Variants in PNPLA6 observed in about 807,000 individuals in gnomAD.
The protein encoded by PNPLA6 is patatin like domain 6, lysophospholipase, also known as patatin-like phospholipase domain-containing protein 6.
A neutral mutation model predicts 153.7 loss-of-function variants in PNPLA6; 105 were observed. That is an observed-to-expected ratio of 0.68 (90% CI 0.58 to 0.80). The LOEUF (loss-of-function observed/expected upper bound fraction) is 0.80, where lower values mean the gene tolerates loss of function less well. Among genes scored for constraint, PNPLA6 ranks in the 30% least tolerant of loss-of-function variants. PNPLA6 has a pLI of 0.00. For synonymous variants in PNPLA6, 825 were observed against 822.2 expected (o/e 1.00, Z -0.06); for missense variants, 1,423 against 1,919.3 (o/e 0.74, Z 4.83).
At position 7,555,161 on chromosome 19, in the gene PNPLA6, G is replaced by A. The variant is rs2023817016; in HGVS notation, c.2817+86G>A. ...CTGGGGCGGGGCCTGGGAGGGCTGA[G>A]GACAGGCTCGAAGGTCAGGGTACCC... On this transcript the variant is annotated intron_variant, in intron 22 of 31. Coordinates refer to ENST00000600737, the MANE Select transcript of PNPLA6 (RefSeq NM_001166114.2). The surrounding 1 kb of genome is among the most constrained non-coding windows in gnomAD (Gnocchi z 6.3). 8 of 1,538,572 alleles carry A rather than the reference G, an allele frequency of 5.2e-6. No homozygotes were observed. The highest frequency in any genetic ancestry group is 7.0e-6 in the Non-Finnish European group (8 of 1,139,060).
rs748933184 is a variant in PNPLA6 at position 7,541,441 on chromosome 19, G to C, written c.1005+7G>C. The C allele has an allele frequency of 1.9e-6, 3 of 1,613,382 alleles. No homozygotes were observed. In the African/African-American group the frequency reaches 4.0e-5, roughly 22 times the overall value. ...CAATGAGCTCTTCAGCCACGTGAGT[G>C]GGTGGCGGGGAGCGAGCACAGGGGG... is the stretch of plus-strand genomic sequence containing the variant. On this transcript the variant is annotated splice_region_variant and intron_variant, in intron 8 of 31. Transcript: ENST00000600737. This position sits in a 1 kb window ranked among gnomAD's most constrained non-coding sequence, Gnocchi z 5.2.
At chr19:7,556,603 C>A in intron 25 of PNPLA6, 34 bp downstream of exon 25, 1 of 1,588,186 alleles carries the variant, frequency 6.3e-7, no homozygotes, top group Non-Finnish European at 8.6e-7. Flanking sequence ...CTGCCTACCC[C>A]TCCCCGGAGG....
intron 3 of PNPLA6, among the ~76,000 whole-genome samples, chr19:7,537,635 T>G (rs1414303930): frequency 6.6e-6 from 1 of 152,078 alleles, no homozygotes. Flanking sequence ...GTCCTTTCTT[T>G]TTTGTTTGTT....
Position 7,541,352 on chromosome 19 carries a change from A to G in PNPLA6, c.925-2A>G, listed in dbSNP as rs1325910773. 3.7e-6 allele frequency: 6 copies of G among 1,613,054 alleles called. No homozygotes were observed. On this transcript the variant is annotated splice_acceptor_variant, in intron 7 of 31. Coordinates refer to ENST00000600737, the MANE Select transcript of PNPLA6 (RefSeq NM_001166114.2). LOFTEE classifies it high-confidence loss of function. This position sits in a 1 kb window ranked among gnomAD's most constrained non-coding sequence, Gnocchi z 5.2. ...TATGGCCACGCCCCTCGAGCCCTGCAGATCATCATGGTGCGGCTGCAGCGA... is the reference window on the plus strand; with the variant it reads ...TATGGCCACGCCCCTCGAGCCCTGCGGATCATCATGGTGCGGCTGCAGCGA...
At chr19:7,534,231 G>A, upstream of PNPLA6, 2 of 322,748 alleles carry the variant, frequency 6.2e-6, no homozygotes, top group South Asian at 5.5e-5. Flanking sequence ...CCCCGGCTGC[G>A]GCCCCTGGGT....
At chr19:7,539,887 C>A in intron 3 of PNPLA6, 31 bp from the exon 4 acceptor site, 1 of 1,466,218 alleles carries the variant, frequency 6.8e-7, no homozygotes, top group South Asian at 1.2e-5. Flanking sequence ...CCGTGCCCCC[C>A]TCACCCCCGG....
rs149520795 is a variant in PNPLA6 at position 7,553,680 on chromosome 19, G to A, written c.2261-195G>A. The stretch of plus-strand genomic sequence containing the variant: ...TTTAACAAAAGAGGGAATAGTAGTT[G>A]AGGCTGAGGGTCCAGGACCAGAGCC... On this transcript the variant is annotated intron_variant, in intron 18 of 31. Transcript: ENST00000600737. Among the ~76,000 whole-genome samples the A allele has an allele frequency of 8.5e-4, 130 of 152,338 alleles. 1 individual carries two copies. Among genetic ancestry groups the A allele is most frequent in the African/African-American group, 3.0e-3 (126 of 41,576 alleles).
intron 3 of PNPLA6, among the ~76,000 whole-genome samples, chr19:7,537,181 G>A (rs181891429): frequency 2.6e-5 from 4 of 152,216 alleles, no homozygotes; most frequent in South Asian, 2.1e-4. Flanking sequence ...TTTCCATGTA[G>A]GTTATTTCAT....
At position 7,541,285 on chromosome 19, in the gene PNPLA6, C is replaced by T; in HGVS notation, c.925-69C>T. ...CCCGACCCCTTATGCTGCGAACTAG[C>T]CCGGCCCACCATCTGGCCCTGCCCC... On this transcript the variant is annotated intron_variant, in intron 7 of 31. Coordinates refer to ENST00000600737, the MANE Select transcript of PNPLA6 (RefSeq NM_001166114.2). The surrounding 1 kb of genome is among the most constrained non-coding windows in gnomAD (Gnocchi z 5.2). 7.2e-7 allele frequency: 1 copy of T among 1,397,548 alleles called. No individual in the cohort carries two copies. Among genetic ancestry groups the T allele is most frequent in the Non-Finnish European group, 1.0e-6 (1 of 996,040 alleles). The allele number at this position is 1,397,548 out of a possible 1,614,324, so 86.6% of individuals were successfully genotyped here.
chr19:7,560,665 C>T lies in PNPLA6; in HGVS notation c.3717C>T (p.Tyr1239=), dbSNP rs748211267. 35 of 1,612,808 alleles carry T rather than the reference C, an allele frequency of 2.2e-5. No homozygotes were observed. The highest frequency in any genetic ancestry group is 1.6e-4 in the Middle Eastern group (1 of 6,082). Reference sequence around the variant, plus strand: ...TCCCACAGGATGTGGGCTACCAGTACGGGAAGGCGGTGTTTGGAGGCTGGA... The same window carrying T: ...TCCCACAGGATGTGGGCTACCAGTATGGGAAGGCGGTGTTTGGAGGCTGGA... ...FDQIYDVGYQ[Y]GKAVFGGWSR... is the part of the protein sequence containing the mutation. Residue 1239 remains tyrosine (Y), a synonymous_variant, in exon 29 of 32, where the codon TAC becomes TAT. Transcript: ENST00000600737.
At chr19:7,550,478 G>T in intron 15 of PNPLA6, 39 bp from the exon 16 acceptor site, 1 of 1,612,448 alleles carries the variant, frequency 6.2e-7, no homozygotes, top group Non-Finnish European at 8.5e-7. Context: ...GTGGGGACCT[G>T]GGGGTGGTCA....
In PNPLA6 at chr19:7,536,640, A is replaced by G. The variant is rs186455009; in HGVS notation, c.413+94A>G. On this transcript the variant is annotated intron_variant, in intron 3 of 31. Transcript: ENST00000600737. ...ACCAAAGTGTTGTGGAAGTCTTCCCATATTGGCTGCGCGCTGTGGCTCATG... is the reference window on the plus strand; with the variant it reads ...ACCAAAGTGTTGTGGAAGTCTTCCCGTATTGGCTGCGCGCTGTGGCTCATG... The G allele has an allele frequency of 3.7e-3, 3,151 of 859,922 alleles. 23 individuals carry two copies. Among genetic ancestry groups the G allele is most frequent in the Non-Finnish European group, 4.8e-3 (2,462 of 511,686 alleles). 53.3% of individuals were successfully genotyped at this position (859,922 alleles called of 1,614,324 possible). A position where few individuals can be genotyped will look rare whatever the true frequency, so the allele number is the denominator to read the frequency against.
intron 13 of PNPLA6, among the ~76,000 whole-genome samples, chr19:7,547,209 T>G (rs1330167860): frequency 6.6e-6 from 1 of 152,148 alleles, no homozygotes; most frequent in Non-Finnish European, 1.5e-5. Flanking sequence ...CCAGCCTCTA[T>G]TTTTAATTTT....
chr19:7,554,364 C>A, intron 20 of PNPLA6, 92 bp downstream of exon 20: 1 of 1,336,116 alleles, frequency 7.5e-7, no homozygotes, highest in Non-Finnish European at 1.1e-6. Flanking sequence ...GGCTTCCAAC[C>A]ACGGAGCCTG....
At chr19:7,554,104 G>A in intron 19 of PNPLA6, 89 bp downstream of exon 19, 3 of 1,585,284 alleles carry the variant, frequency 1.9e-6, no homozygotes, top group Non-Finnish European at 2.6e-6. Flanking sequence ...TTGGGGGGTG[G>A]AGGGGAACAG....
At chr19:7,560,822 C>G (rs1274377634) in intron 29 of PNPLA6, 58 bp downstream of exon 29, 4 of 1,182,458 alleles carry the variant, frequency 3.4e-6, no homozygotes, top group Non-Finnish European at 5.1e-6. Flanking sequence ...AACCCAAGCC[C>G]CCTTAAAGTC....
At position 7,551,030 on chromosome 19, in the gene PNPLA6, G is replaced by C. The variant is rs979155811; in HGVS notation, c.2107G>C (p.Val703Leu). 1.3e-6 allele frequency: 2 copies of C among 1,548,954 alleles called. No individual in the cohort carries two copies. Among genetic ancestry groups the C allele is most frequent in the East Asian group, 2.4e-5 (1 of 40,898 alleles). ...GACCCGGCAGCCGCGAGCCACGACG[G>C]TGCACGCGGTGCGCGACACGGAGCT... is the stretch of plus-strand genomic sequence containing the variant. ...ALTRQPRATT[V>L]HAVRDTELAK... The change falls in exon 17 of 32, where the codon GTG (valine) becomes CTG (leucine). Residue 703 changes from valine (V) to leucine (L), a missense_variant. Around this residue, in one of 10 missense-constraint regions of PNPLA6, gnomAD observed 63 missense variants for 166.2 expected, o/e 0.38. Transcript: ENST00000600737.
rs2023835140 is a variant in PNPLA6, at chr19:7,555,436, C to A, written c.2936+69C>A. On this transcript the variant is annotated intron_variant, in intron 23 of 31. Coordinates refer to ENST00000600737, the MANE Select transcript of PNPLA6 (RefSeq NM_001166114.2). The surrounding 1 kb of genome is among the most constrained non-coding windows in gnomAD (Gnocchi z 6.3). ...GAGGGTGGAGCTTCCTGGGAGAAAC[C>A]GTGGGGGCGGGGCCTGGGTGTTCGA... 7.5e-7 allele frequency: 1 copy of A among 1,332,408 alleles called. No individual in the cohort carries two copies. Among genetic ancestry groups the A allele is most frequent in the Non-Finnish European group, 1.0e-6 (1 of 963,322 alleles). The allele number at this position is 1,332,408 out of a possible 1,614,324, so 82.5% of individuals were successfully genotyped here.
At chr19:7,554,154 A>T (rs1368165631) in intron 19 of PNPLA6, 55 bp from the exon 20 acceptor site, 3 of 1,587,544 alleles carry the variant, frequency 1.9e-6, no homozygotes, top group Non-Finnish European at 2.6e-6. Context: ...TTTCTGAGTT[A>T]GGCCCCAGCC....
Sources: gnomAD v4.1 joint callset for allele counts (sites outside exome capture counted in the v4.1 genomes callset) on GRCh38, gnomAD v4.1.1 for gene constraint, gnomAD v4.1.1 regional missense constraint, Gnocchi (gnomAD v3.1) non-coding constraint, MANE v1.5 for transcripts, NCBI Gene and HGNC (gene_info 2026-07-23, HGNC 2026-07-21) for gene names.